Variants in EPB42 observed in about 807,000 individuals in gnomAD.
EPB42 encodes the protein protein 4.2.
Under a neutral mutation model 76.9 loss-of-function variants are expected in EPB42, and 49 were observed. The ratio of observed to expected loss-of-function variants is 0.64; its 90% CI spans 0.51 to 0.81. The LOEUF is 0.81. EPB42 is among the 30% of genes least tolerant of loss of function. The pLI is 0.00. For synonymous variants in EPB42, 310 were observed against 338.4 expected (o/e 0.92, Z 0.92); for missense variants, 731 against 867.6 (o/e 0.84, Z 1.98).
At chr15:43,218,263 C>T (rs2042407303) in intron 1 of EPB42, among the ~76,000 whole-genome samples, 1 of 152,198 alleles carries the variant, frequency 6.6e-6, no homozygotes, top group African/African-American at 2.4e-5. Flanking sequence ...CATCCTAAGT[C>T]ATATGACTTG....
At chr15:43,217,595 T>A (rs1360489372) in intron 1 of EPB42, among the ~76,000 whole-genome samples, 1 of 152,216 alleles carries the variant, frequency 6.6e-6, no homozygotes, top group Admixed American at 6.5e-5. Flanking sequence ...ATTGTGTACT[T>A]TTTGTTCCTT....
intron 7 of EPB42, 42 bp from the exon 8 acceptor site, chr15:43,208,375 G>T (rs780625214): frequency 6.3e-7 from 1 of 1,585,030 alleles, no homozygotes; most frequent in South Asian, 1.1e-5. Context: ...GAAAGAAAAC[G>T]AGTGCTGAAG....
At position 43,215,266 on chromosome 15, in the gene EPB42, G is replaced by T. The variant is rs762226252; in HGVS notation, c.259C>A (p.Arg87=). ...TCCACCACTGCACTCCACCACTTTC[G>T]GTCCCCCAGACTGGAAATTGGGAAT... ...ATFPISSLGD[R]KWWSAVVEER... is the part of the protein sequence containing the mutation. The change falls in exon 3 of 13, where the codon CGA becomes AGA. Residue 87 remains arginine, a synonymous_variant. Transcript: ENST00000441366. The T allele has an allele frequency of 8.1e-6, 13 of 1,614,056 alleles. No homozygotes were observed. In the East Asian group the frequency reaches 1.3e-4, roughly 17 times the overall value.
intron 12 of EPB42, 49 bp from the exon 13 acceptor site, chr15:43,197,513 T>C (rs2042060590): frequency 1.2e-6 from 2 of 1,609,194 alleles, no homozygotes; most frequent in South Asian, 2.2e-5. Context: ...GGTTCATTGC[T>C]CTGCTGGTCC....
At chr15:43,211,310 G>A in intron 4 of EPB42, 106 bp downstream of exon 4, 1 of 799,488 alleles carries the variant, frequency 1.3e-6, no homozygotes, top group South Asian at 1.3e-5. Context: ...CTAAAGAAAT[G>A]GTCTCATGAC....
intron 10 of EPB42, 123 bp from the exon 11 acceptor site, chr15:43,203,398 C>T: frequency 7.9e-7 from 1 of 1,266,042 alleles, no homozygotes; most frequent in Non-Finnish European, 1.1e-6. Context: ...CACCATTTTC[C>T]CCAGCAATTG....
rs573506309 is a variant in EPB42, at chr15:43,216,596, T to G, written c.11-143A>C. On this transcript the variant is annotated intron_variant, in intron 1 of 12. Transcript: ENST00000441366. ...GCTGCGCAATCCCAGGCAAGTAACT[T>G]AACCACCCTGAGCCTCAGTTTCCTT... The G allele has an allele frequency of 1.1e-4, 93 of 822,562 alleles. 1 individual carries two copies. The highest frequency in any genetic ancestry group is 1.8e-4 in the Non-Finnish European group (90 of 507,834). The allele number at this position is 822,562 out of a possible 1,614,324, so 51.0% of individuals were successfully genotyped here. A position where few individuals can be genotyped will look rare whatever the true frequency, so the allele number is the denominator to read the frequency against.
upstream of EPB42, among the ~76,000 whole-genome samples, chr15:43,225,239 T>C (rs2042497628): frequency 6.6e-6 from 1 of 152,270 alleles, no homozygotes; most frequent in Non-Finnish European, 1.5e-5. Context: ...CATCAGTGCC[T>C]AGGCACAAGG....
chr15:43,208,440 T>C, intron 7 of EPB42, 107 bp from the exon 8 acceptor site: 2 of 1,403,562 alleles, frequency 1.4e-6, no homozygotes, highest in South Asian at 1.2e-5. Context: ...GGATGGGAGG[T>C]CACTGTGTCA....
upstream of EPB42, among the ~76,000 whole-genome samples, chr15:43,224,192 G>T (rs527319856): frequency 1.3e-5 from 2 of 152,164 alleles, no homozygotes; most frequent in Non-Finnish European, 1.5e-5. Flanking sequence ...TGTCCACGCG[G>T]AAAGAGAAAG....
Position 43,207,352 on chromosome 15 carries a change from T to A in EPB42, c.1165A>T (p.Ile389Leu). 1 of 1,614,216 alleles carries A rather than the reference T, an allele frequency of 6.2e-7. No individual in the cohort carries two copies. The highest frequency in any genetic ancestry group is 8.5e-7 in the Non-Finnish European group (1 of 1,180,018). ...TTCCAGACCACACATGAGGCATTTA[T>A]GGCAGCAAAAAGGTCTGACACTGCT... ...TPAVSDLFAA[I>L]NASCVVWKCC... Residue 389 changes from isoleucine (I) to leucine (L), a missense_variant, in exon 9 of 13, where the codon ATA (isoleucine) becomes TTA (leucine). Transcript: ENST00000441366.
chr15:43,208,300 C>T lies in EPB42; in HGVS notation c.1005G>A (p.Thr335=), dbSNP rs1160902890. The change falls in exon 8 of 13, where the codon ACG becomes ACA. Residue 335 remains threonine, a synonymous_variant. Coordinates refer to ENST00000441366, the MANE Select transcript of EPB42 (RefSeq NM_001114134.2). ...IFQTSTECWM[T]RPALPQGYDG... ...CATAACCCTGGGGCAAGGCAGGCCG[C>T]GTCATCCAGCACTCTGTGGAAGTCT... 11 of 1,613,922 alleles carry T rather than the reference C, an allele frequency of 6.8e-6. No homozygotes were observed. Among genetic ancestry groups the T allele is most frequent in the South Asian group, 4.4e-5 (4 of 91,074 alleles).
intron 1 of EPB42, among the ~76,000 whole-genome samples, chr15:43,218,933 C>T (rs1567284563): frequency 6.6e-6 from 1 of 152,182 alleles, no homozygotes; most frequent in African/African-American, 2.4e-5. Context: ...GTTGTGTTAA[C>T]CCGGAGATCA....
chr15:43,224,315 C>T (rs1028997249), upstream of EPB42, among the ~76,000 whole-genome samples: 4 of 152,192 alleles, frequency 2.6e-5, no homozygotes, highest in Non-Finnish European at 5.9e-5. Context: ...GGTCCCATCT[C>T]CAAATACAGT....
At chr15:43,211,295 A>G (rs1437875447) in intron 4 of EPB42, 121 bp downstream of exon 4, 2 of 779,568 alleles carry the variant, frequency 2.6e-6, no homozygotes, top group African/African-American at 3.4e-5. Flanking sequence ...CAAAGCTGAA[A>G]TGGGCTAAAG....
intron 4 of EPB42, 107 bp from the exon 5 acceptor site, chr15:43,210,546 C>T (rs1385258933): frequency 2.0e-6 from 2 of 1,019,954 alleles, no homozygotes; most frequent in East Asian, 5.1e-5. Context: ...TCATCTCGTC[C>T]TTCTCCCAGA....
At position 43,219,073 on chromosome 15, in the gene EPB42, C is replaced by T. The variant is rs116804542; in HGVS notation, c.10+1743G>A. Among the ~76,000 whole-genome samples, 1,318 of 152,168 alleles carry T rather than the reference C, an allele frequency of 8.7e-3. 20 individuals are homozygous for T. The highest frequency in any genetic ancestry group is 0.03 in the African/African-American group (1,249 of 41,508). On this transcript the variant is annotated intron_variant, in intron 1 of 12. Transcript: ENST00000441366. ...TTAACGACTGGCTGGGGGGAGGGGG[C>T]GGTGAGGGGAAAGGGCGTACTGAGT...
At chr15:43,209,825 T>G (rs1337023582) in intron 5 of EPB42, among the ~76,000 whole-genome samples, 1 of 152,236 alleles carries the variant, frequency 6.6e-6, no homozygotes, top group Non-Finnish European at 1.5e-5. Flanking sequence ...ACTCACAGGC[T>G]GGCCTGGACT....
At chr15:43,219,240 A>G (rs1261438950) in intron 1 of EPB42, among the ~76,000 whole-genome samples, 1 of 152,242 alleles carries the variant, frequency 6.6e-6, no homozygotes, top group Non-Finnish European at 1.5e-5. Context: ...ACAGAGATAC[A>G]GGAGACATAA....
Sources: allele counts gnomAD v4.1 joint callset (sites outside exome capture counted in the v4.1 genomes callset), GRCh38; gene constraint gnomAD v4.1.1; transcripts MANE v1.5; gene names NCBI Gene and HGNC (gene_info 2026-07-23, HGNC 2026-07-21).